The following ARSB variants were observed in gnomAD, a reference collection of about 807,000 sequenced individuals.
The protein encoded by ARSB is N-acetylgalactosamine-4-sulfatase.
In ARSB, 41 loss-of-function variants were observed where a neutral mutation model predicts 50.9. The observed-to-expected ratio is 0.81, with a 90% CI of 0.63 to 1.04. ARSB has a LOEUF of 1.04. ARSB is among the 50% of genes least tolerant of loss of function. ARSB has a pLI of 0.00. For synonymous variants in ARSB, 269 were observed against 284.8 expected, an observed-to-expected ratio of 0.94 and a Z score of 0.56; for missense variants, 672 against 693.3, an observed-to-expected ratio of 0.97 and a Z score of 0.35.
At chr5:78,937,334 G>A (rs9687996) in intron 4 of ARSB, among the ~76,000 whole-genome samples, 2 of 126,964 alleles carry the variant, frequency 1.6e-5, no homozygotes, top group Admixed American at 8.0e-5. Flanking sequence ...ATATATATAT[G>A]TAAGATATAT....
chr5:78,898,704 C>T (rs188536474), intron 4 of ARSB, among the ~76,000 whole-genome samples: 1 of 152,310 alleles, frequency 6.6e-6, no homozygotes, highest in East Asian at 1.9e-4. Context: ...GTTGAGAGGG[C>T]TGCATTCCCT....
chr5:78,976,492 T>C (rs1300969543), intron 1 of ARSB, among the ~76,000 whole-genome samples: 3 of 152,068 alleles, frequency 2.0e-5, no homozygotes, highest in Non-Finnish European at 4.4e-5. Context: ...ATTTTTTAAC[T>C]TTTTATAGAG....
At chr5:78,804,127 C>T (rs1338454191) in intron 6 of ARSB, among the ~76,000 whole-genome samples, 1 of 151,784 alleles carries the variant, frequency 6.6e-6, no homozygotes, top group East Asian at 1.9e-4. Context: ...CACAGTGAGA[C>T]TCTTGCAAAA....
chr5:78,787,899 G>A (rs1311033250), intron 6 of ARSB, among the ~76,000 whole-genome samples: 1 of 152,184 alleles, frequency 6.6e-6, no homozygotes, highest in Non-Finnish European at 1.5e-5. Context: ...AACCCTAGAA[G>A]TGGATTCGCT....
intron 1 of ARSB, 29 bp downstream of exon 1, chr5:78,984,887 CCGGCGAAAGGCGGGGCGGGGG>C (rs1753086315): frequency 8.0e-7 from 1 of 1,255,032 alleles, no homozygotes; most frequent in Non-Finnish European, 1.0e-6. Context: ...CGGCAGGGCG[CCGGCGAAAGGCGGGGCGGGGG>C]CGGCGCGGGC....
chr5:78,943,127 T>G (rs1267236924), intron 4 of ARSB, among the ~76,000 whole-genome samples: 2 of 152,368 alleles, frequency 1.3e-5, no homozygotes, highest in South Asian at 2.1e-4. Flanking sequence ...GTTTTTCATT[T>G]GCTTGGTAGA....
intron 4 of ARSB, among the ~76,000 whole-genome samples, chr5:78,953,327 G>C (rs555305267): frequency 2.3e-4 from 35 of 152,338 alleles, no homozygotes; most frequent in Non-Finnish European, 2.9e-4. Flanking sequence ...TACTGTAGTG[G>C]AGCCAGGCTC....
At chr5:78,859,315 T>C (rs1746311722) in intron 5 of ARSB, among the ~76,000 whole-genome samples, 1 of 152,020 alleles carries the variant, frequency 6.6e-6, no homozygotes, top group African/African-American at 2.4e-5. Context: ...ATTAAGAAGG[T>C]TTATTAAGTT....
rs1753103716 is a variant in ARSB at position 78,984,998 on chromosome 5, T to A, written c.251A>T (p.Asn84Ile). ...ALAAGGVLLD[N>I]YYTQPLCTPS... ...CGTGCACAGCGGCTGCGTGTAGTAG[T>A]TGTCCAGGAGCACCCCGCCGGCCGC... The change falls in exon 1 of 8, where the codon AAC (asparagine) becomes ATC (isoleucine). Residue 84 changes from asparagine to isoleucine, a missense_variant. By Grantham distance (149) the Asn-to-Ile change is moderately radical (BLOSUM62 -3). Transcript: ENST00000264914. 2.6e-6 allele frequency: 4 copies of A among 1,536,366 alleles called. No homozygotes were observed. Among genetic ancestry groups the A allele is most frequent in the Non-Finnish European group, 3.5e-6 (4 of 1,144,754 alleles).
rs988257583 is a variant in ARSB at position 78,857,935 on chromosome 5, C to T, written c.1143-18509G>A. On this transcript the variant is annotated intron_variant, in intron 5 of 7. Coordinates refer to ENST00000264914, the MANE Select transcript of ARSB (RefSeq NM_000046.5). Reference sequence around the variant, plus strand: ...CTGATAGAACATTTTTTATGTGCAACACACCATTTAAAATACTTTACACGT... The same window carrying T: ...CTGATAGAACATTTTTTATGTGCAATACACCATTTAAAATACTTTACACGT... Among the ~76,000 whole-genome samples the T allele has an allele frequency of 3.4e-3, 512 of 152,310 alleles. 3 individuals carry two copies. Among genetic ancestry groups the T allele is most frequent in the African/African-American group, 0.012 (492 of 41,560 alleles).
intron 5 of ARSB, among the ~76,000 whole-genome samples, chr5:78,862,104 C>T (rs755723203): frequency 1.1e-4 from 17 of 151,978 alleles, no homozygotes; most frequent in African/African-American, 2.4e-4. Context: ...CACTGCTCAA[C>T]GAAATAAAAG....
intron 4 of ARSB, among the ~76,000 whole-genome samples, chr5:78,891,466 A>G (rs978713835): frequency 6.6e-6 from 1 of 152,208 alleles, no homozygotes; most frequent in African/African-American, 2.4e-5. Context: ...TTCCTTTAAC[A>G]CATCTTTCTT....
At position 78,967,401 on chromosome 5, in the gene ARSB, G is replaced by A. The variant is rs180790491; in HGVS notation, c.499+1605C>T. Reference sequence around the variant, plus strand: ...ATAAATTTCAAATCTCAGGCTGGGCGCGGTGGCTCACACCTGTAATCCCAG... The same window carrying A: ...ATAAATTTCAAATCTCAGGCTGGGCACGGTGGCTCACACCTGTAATCCCAG... On this transcript the variant is annotated intron_variant, in intron 2 of 7. Transcript: ENST00000264914. Among the ~76,000 whole-genome samples, 249 of 152,220 alleles carry A rather than the reference G, an allele frequency of 1.6e-3. 1 individual carries two copies. The highest frequency in any genetic ancestry group is 5.4e-3 in the African/African-American group (226 of 41,528).
At chr5:78,929,930 A>G (rs535197723) in intron 4 of ARSB, among the ~76,000 whole-genome samples, 1 of 152,198 alleles carries the variant, frequency 6.6e-6, no homozygotes, top group Non-Finnish European at 1.5e-5. Flanking sequence ...TCTGTTACCA[A>G]AAAGAAAATA....
At chr5:78,832,476 C>T (rs1744737035) in intron 6 of ARSB, among the ~76,000 whole-genome samples, 1 of 152,150 alleles carries the variant, frequency 6.6e-6, no homozygotes, top group Admixed American at 6.5e-5. Context: ...CATCCCAGGC[C>T]ATCATCGTTT....
intron 5 of ARSB, among the ~76,000 whole-genome samples, chr5:78,861,220 C>A (rs1451695494): frequency 6.6e-6 from 1 of 152,144 alleles, no homozygotes; most frequent in African/African-American, 2.4e-5. Flanking sequence ...TGAAACTATT[C>A]CAATCAACAG....
intron 5 of ARSB, among the ~76,000 whole-genome samples, chr5:78,848,682 A>G (rs1288995776): frequency 6.6e-6 from 1 of 152,192 alleles, no homozygotes; most frequent in Non-Finnish European, 1.5e-5. Flanking sequence ...TTACAGTCCC[A>G]CCAACAGTGC....
intron 1 of ARSB, among the ~76,000 whole-genome samples, chr5:78,981,955 C>T: frequency 8.2e-5 from 2 of 24,270 alleles, no homozygotes; most frequent in African/African-American, 1.2e-4. Context: ...CTCGCTCTGT[C>T]GCCCAGGCCG....
chr5:78,820,290 T>C (rs1349136963), intron 6 of ARSB, among the ~76,000 whole-genome samples: 2 of 152,208 alleles, frequency 1.3e-5, no homozygotes, highest in Non-Finnish European at 2.9e-5. Flanking sequence ...GCAGTAGCAA[T>C]GGATTTAGGG....
Sources: allele counts gnomAD v4.1 joint callset (sites outside exome capture counted in the v4.1 genomes callset), GRCh38; gene constraint gnomAD v4.1.1; transcripts MANE v1.5; gene names NCBI Gene and HGNC (gene_info 2026-07-23, HGNC 2026-07-21).